Variants in ANKRD52 observed in about 807,000 individuals in gnomAD.
ANKRD52 encodes the protein ankyrin repeat domain 52.
In ANKRD52, 7 loss-of-function variants were observed where a neutral mutation model predicts 116.0. That is an observed-to-expected ratio of 0.06 (90% CI 0.03 to 0.11). ANKRD52 has a LOEUF of 0.11. ANKRD52 is among the 10% of genes least tolerant of loss of function. ANKRD52 has a pLI of 1.00. For missense variants in ANKRD52, 839 were observed against 1,408.6 expected (o/e 0.60, Z 6.47); for synonymous variants, 528 against 578.1 (o/e 0.91, Z 1.24).
chr12:56,249,046 A>G (rs1028220025), intron 15 of ANKRD52, among the ~76,000 whole-genome samples, 176 bp from the exon 16 acceptor site: 2 of 152,194 alleles, frequency 1.3e-5, no homozygotes, highest in African/African-American at 4.8e-5. Flanking sequence ...CTCCAGACCC[A>G]CTTTACCTTC....
At chr12:56,247,414 G>T in intron 20 of ANKRD52, 79 bp downstream of exon 20, 2 of 1,158,196 alleles carry the variant, frequency 1.7e-6, no homozygotes, top group South Asian at 2.9e-5. Context: ...CTAGACAATT[G>T]GATTCCCTAC....
Position 56,257,925 on chromosome 12 carries a change from C to T in ANKRD52, c.28-14G>A, listed in dbSNP as rs370208832. On this transcript the variant is annotated splice_polypyrimidine_tract_variant and intron_variant, in intron 1 of 27. Transcript: ENST00000267116. The stretch of plus-strand genomic sequence containing the variant: ...GACCAGGGGCGGCTGCAGAGAGAAC[C>T]GGCATTCTGAGAGCGGGCTGGAGCC... The T allele has an allele frequency of 6.7e-7, 1 of 1,490,328 alleles. No homozygotes were observed. Among genetic ancestry groups the T allele is most frequent in the Non-Finnish European group, 9.0e-7 (1 of 1,106,090 alleles). The allele number at this position is 1,490,328 out of a possible 1,614,324, so 92.3% of individuals were successfully genotyped here.
rs769842670 is a variant in ANKRD52 at position 56,245,544 on chromosome 12, A to G, written c.2237T>C (p.Phe746Ser). The stretch of plus-strand genomic sequence containing the variant: ...GCCCTTAAAGTCTCGGCACAGCACA[A>G]ATGCGTCGTGGTCCAGCAGGGCAGC... Reference protein sequence around the residue: ...CLAALLDHDAFVLCRDFKGRT... With the variant: ...CLAALLDHDASVLCRDFKGRT... Residue 746 changes from phenylalanine to serine, a missense_variant, in exon 21 of 28, where the codon TTT becomes TCT. By Grantham distance (155) the Phe-to-Ser change is radical. Transcript: ENST00000267116. 6.2e-7 allele frequency: 1 copy of G among 1,610,182 alleles called. No homozygotes were observed. The highest frequency in any genetic ancestry group is 1.1e-5 in the South Asian group (1 of 90,860).
chr12:56,258,013 T>C (rs1872049197), intron 1 of ANKRD52, 102 bp from the exon 2 acceptor site: 1 of 1,311,026 alleles, frequency 7.6e-7, no homozygotes, highest in Non-Finnish European at 1.1e-6. Context: ...GGGGCGTCCG[T>C]GGAGGGGCTC....
At position 56,252,666 on chromosome 12, in the gene ANKRD52, G is replaced by T. The variant is rs1871759737; in HGVS notation, c.1302-96C>A. ...AGGATGGGACTAGCAAGCCCTTTCT[G>T]CTGTGACTGCTTTCATTGTGAGAGG... is the stretch of plus-strand genomic sequence containing the variant. On this transcript the variant is annotated intron_variant, in intron 12 of 27. Transcript: ENST00000267116. The surrounding 1 kb of genome is among the most constrained non-coding windows in gnomAD (Gnocchi z 4.7). 3 of 1,534,624 alleles carry T rather than the reference G, an allele frequency of 2.0e-6. No individual in the cohort carries two copies. Among genetic ancestry groups the T allele is most frequent in the Non-Finnish European group, 2.7e-6 (3 of 1,111,060 alleles).
In ANKRD52 at chr12:56,241,700, GAAC is replaced by G. The variant is rs753333269; in HGVS notation, c.*1439_*1441del. ...GCTGAGGTATTGAGTGTGAGGAAGGGAACACTGGGCTGCAGGAGTGGGTCCAAC... is the reference window on the plus strand; with the variant it reads ...GCTGAGGTATTGAGTGTGAGGAAGGGACTGGGCTGCAGGAGTGGGTCCAAC... On this transcript the variant is annotated 3_prime_UTR_variant, in exon 28 of 28. Coordinates refer to ENST00000267116, the MANE Select transcript of ANKRD52 (RefSeq NM_173595.4). The G allele has an allele frequency of 7.6e-5, 24 of 316,788 alleles. No individual in the cohort carries two copies. In the Admixed American group the frequency reaches 1.1e-3, roughly 15 times the overall value. 19.6% of individuals were successfully genotyped at this position (316,788 alleles called of 1,614,324 possible).
At position 56,255,192 on chromosome 12, in the gene ANKRD52, T is replaced by A. The variant is rs1871889736; in HGVS notation, c.463-240A>T. On this transcript the variant is annotated intron_variant, in intron 5 of 27. Coordinates refer to ENST00000267116, the MANE Select transcript of ANKRD52 (RefSeq NM_173595.4). This position sits in a 1 kb window ranked among gnomAD's most constrained non-coding sequence, Gnocchi z 4.3. ...TCAGGTGATCTGGTGGTTCTTAAAC[T>A]CTTTTTTTTTTTTTTTTTGAGACAG... 8 of 377,638 alleles carry A rather than the reference T, an allele frequency of 2.1e-5. No homozygotes were observed. Among genetic ancestry groups the A allele is most frequent in the East Asian group, 8.2e-5 (2 of 24,510 alleles). 23.4% of individuals were successfully genotyped at this position (377,638 alleles called of 1,614,324 possible).
rs749424710 is a variant in ANKRD52, at chr12:56,255,864, G to A, written c.382C>T (p.Pro128Ser). 7 of 1,576,426 alleles carry A rather than the reference G, an allele frequency of 4.4e-6. No individual in the cohort carries two copies. The African/African-American group carries it at 5.4e-5, about 12-fold the overall frequency. ...GCCACGTTGAGGCTGCTCAACAGGG[G>A]TGCCAGAGCCTCAGCACACTTGGTG... ...RATKCAEALA[P>S]LLSSLNVADR... The change falls in exon 5 of 28, where the codon CCC becomes TCC. Residue 128 changes from proline to serine, a missense_variant. Coordinates refer to ENST00000267116, the MANE Select transcript of ANKRD52 (RefSeq NM_173595.4). This position sits in a 1 kb window ranked among gnomAD's most constrained non-coding sequence, Gnocchi z 4.3.
At chr12:56,245,021 AGG>A in intron 22 of ANKRD52, 32 bp from the exon 23 acceptor site, 1 of 1,613,460 alleles carries the variant, frequency 6.2e-7, no homozygotes, top group East Asian at 2.2e-5. Flanking sequence ...GTCATCAGGA[AGG>A]ACAAGGGAAG....
chr12:56,253,438 C>T lies in ANKRD52; in HGVS notation c.986-36G>A. On this transcript the variant is annotated intron_variant, in intron 9 of 27. Coordinates refer to ENST00000267116, the MANE Select transcript of ANKRD52 (RefSeq NM_173595.4). This position sits in a 1 kb window ranked among gnomAD's most constrained non-coding sequence, Gnocchi z 5.5. ...ATGCACACACACAAGCTCAGGCAGA[C>T]CTCAGGCTTAAGACCACTTTCGCGA... The T allele has an allele frequency of 6.4e-7, 1 of 1,554,656 alleles. No homozygotes were observed. The highest frequency in any genetic ancestry group is 8.9e-7 in the Non-Finnish European group (1 of 1,128,490).
At chr12:56,257,722 G>T in intron 2 of ANKRD52, 106 bp downstream of exon 2, 2 of 1,095,016 alleles carry the variant, frequency 1.8e-6, no homozygotes, top group South Asian at 2.8e-5. Context: ...AAGAACTGCG[G>T]CCTCATCTGA....
At chr12:56,245,817 C>T (rs1483520572) in intron 20 of ANKRD52, among the ~76,000 whole-genome samples, 2 of 149,952 alleles carry the variant, frequency 1.3e-5, no homozygotes, top group Admixed American at 6.7e-5. Context: ...CCGGTTCAAG[C>T]GATTCTCCTG....
intron 4 of ANKRD52, among the ~76,000 whole-genome samples, chr12:56,256,502 C>A (rs1871960438): frequency 6.6e-6 from 1 of 152,212 alleles, no homozygotes; most frequent in African/African-American, 2.4e-5. Flanking sequence ...CTGGCCTCGG[C>A]CCCTCCCCCT....
At position 56,244,152 on chromosome 12, in the gene ANKRD52, G is replaced by A; in HGVS notation, c.2806-19C>T. ...CATGGCCCTGAGGGAGGGGAACAGA[G>A]AGTGGAGACTTGTGAAGTAGAAATG... On this transcript the variant is annotated intron_variant, in intron 25 of 27. Coordinates refer to ENST00000267116, the MANE Select transcript of ANKRD52 (RefSeq NM_173595.4). This position sits in a 1 kb window ranked among gnomAD's most constrained non-coding sequence, Gnocchi z 4.9. 1 of 1,613,020 alleles carries A rather than the reference G, an allele frequency of 6.2e-7. No homozygotes were observed. Among genetic ancestry groups the A allele is most frequent in the Non-Finnish European group, 8.5e-7 (1 of 1,179,000 alleles).
Position 56,243,054 on chromosome 12 carries a change from C to G in ANKRD52, c.*88G>C. 2.8e-6 allele frequency: 4 copies of G among 1,437,790 alleles called. No individual in the cohort carries two copies. The highest frequency in any genetic ancestry group is 9.2e-7 in the Non-Finnish European group (1 of 1,090,340). 89.1% of individuals were successfully genotyped at this position (1,437,790 alleles called of 1,614,324 possible). On this transcript the variant is annotated 3_prime_UTR_variant, in exon 28 of 28. Coordinates refer to ENST00000267116, the MANE Select transcript of ANKRD52 (RefSeq NM_173595.4). The surrounding 1 kb of genome is among the most constrained non-coding windows in gnomAD (Gnocchi z 4.6). ...CGCCCCCTCCACCCAGTCGTGTTCTCCTTTAAAGTGCCCTAAATGTTTAGA... is the reference window on the plus strand; with the variant it reads ...CGCCCCCTCCACCCAGTCGTGTTCTGCTTTAAAGTGCCCTAAATGTTTAGA...
In ANKRD52 at chr12:56,237,982, A is replaced by T; in HGVS notation, c.*5160T>A. 1.7e-3 allele frequency: 334 copies of T among 201,372 alleles called. No homozygotes were observed. The highest frequency in any genetic ancestry group is 3.6e-3 in the East Asian group (32 of 8,880). 12.5% of individuals were successfully genotyped at this position (201,372 alleles called of 1,614,324 possible). ...AGGGTCATTAATCTGCGGGGAGAAC[A>T]TTGTGCTTTAGCCCAGGGAGGGGAG... On this transcript the variant is annotated 3_prime_UTR_variant, in exon 28 of 28. Coordinates refer to ENST00000267116, the MANE Select transcript of ANKRD52 (RefSeq NM_173595.4).
chr12:56,249,157 G>A (rs1029113300), intron 15 of ANKRD52, among the ~76,000 whole-genome samples: 14 of 152,154 alleles, frequency 9.2e-5, no homozygotes, highest in Non-Finnish European at 1.5e-4. Context: ...TCAGCCTTCT[G>A]CTGACCAACA....
chr12:56,246,991 C>G (rs1169979390), intron 20 of ANKRD52, among the ~76,000 whole-genome samples: 1 of 148,198 alleles, frequency 6.7e-6, no homozygotes, highest in African/African-American at 2.5e-5. Context: ...GCACAGATAT[C>G]AGGGAAATCA....
At chr12:56,257,544 T>A (rs541901819) in intron 2 of ANKRD52, among the ~76,000 whole-genome samples, 183 bp from the exon 3 acceptor site, 1 of 151,602 alleles carries the variant, frequency 6.6e-6, no homozygotes, top group African/African-American at 2.4e-5. Context: ...TCAGGGCCAA[T>A]GGGCTGAGAA....
Sources: allele counts gnomAD v4.1 joint callset (sites outside exome capture counted in the v4.1 genomes callset), GRCh38; gene constraint gnomAD v4.1.1; non-coding constraint Gnocchi (gnomAD v3.1); transcripts MANE v1.5; gene names NCBI Gene and HGNC (gene_info 2026-07-23, HGNC 2026-07-21).